PTPA: variants seen among roughly 807,000 people sequenced by gnomAD.
PTPA encodes the protein serine/threonine-protein phosphatase 2A activator.
A neutral mutation model predicts 43.6 loss-of-function variants in PTPA; 13 were observed. The observed-to-expected ratio is 0.30, with a 90% CI of 0.19 to 0.47. The LOEUF (loss-of-function observed/expected upper bound fraction) is 0.47, where lower values mean the gene tolerates loss of function less well. PTPA is among the 20% of genes least tolerant of loss of function. PTPA has a pLI of 0.99. For missense variants in PTPA, 329 were observed against 411.9 expected (o/e 0.80, Z 1.74); for synonymous variants, 172 against 158.2 (o/e 1.09, Z -0.66).
Position 129,120,629 on chromosome 9 carries a change from G to C in PTPA, c.129+19G>C. 1 of 1,597,104 alleles carries C rather than the reference G, an allele frequency of 6.3e-7. No homozygotes were observed. The highest frequency in any genetic ancestry group is 8.6e-7 in the Non-Finnish European group (1 of 1,165,524). On this transcript the variant is annotated intron_variant, in intron 2 of 9. Coordinates refer to ENST00000393370, the MANE Select transcript of PTPA (RefSeq NM_178000.3). The stretch of plus-strand genomic sequence containing the variant: ...TTCTCAGGTACCATTTGGAACTGTG[G>C]TGAGAAACTTGGGCTTTTCAAAGAC...
intron 5 of PTPA, among the ~76,000 whole-genome samples, chr9:129,132,938 A>G (rs1230976958): frequency 6.6e-6 from 1 of 152,164 alleles, no homozygotes; most frequent in Non-Finnish European, 1.5e-5. Flanking sequence ...CTGAGACCCC[A>G]TCTCTCAAAA....
intron 7 of PTPA, among the ~76,000 whole-genome samples, 181 bp from the exon 8 acceptor site, chr9:129,137,411 C>T (rs3124510): frequency 0.29 from 44,814 of 152,214 alleles, 6,707 homozygotes; most frequent in East Asian, 0.42. Flanking sequence ...CAACGCCATG[C>T]AGCTAGAGCT....
chr9:129,111,568 C>T lies in PTPA; in HGVS notation c.-33C>T. The T allele has an allele frequency of 7.7e-7, 1 of 1,293,446 alleles. No homozygotes were observed. Among genetic ancestry groups the T allele is most frequent in the Non-Finnish European group, 9.9e-7 (1 of 1,012,280 alleles). 80.1% of individuals were successfully genotyped at this position (1,293,446 alleles called of 1,614,324 possible). A position where few individuals can be genotyped will look rare whatever the true frequency, so the allele number is the denominator to read the frequency against. On this transcript the variant is annotated 5_prime_UTR_variant, in exon 1 of 10. Coordinates refer to ENST00000393370, the MANE Select transcript of PTPA (RefSeq NM_178000.3). ...AAGAGTGAAAGGCGAGAGGGGACTG[C>T]AAGCATCCGGGTCGGCTCCTGGCCG...
Position 129,147,660 on chromosome 9 carries a change from A to G in PTPA, c.*196A>G, listed in dbSNP as rs1006278388. On this transcript the variant is annotated 3_prime_UTR_variant, in exon 10 of 10. Transcript: ENST00000393370. ...GGGCCCAAGTTGGGAGAAGTGACCA[A>G]AGTGTAGCCAGTTTTCTGAGTTCCC... 7 of 590,374 alleles carry G rather than the reference A, an allele frequency of 1.2e-5. No homozygotes were observed. In the African/African-American group the frequency reaches 1.3e-4, roughly 11 times the overall value. 36.6% of individuals were successfully genotyped at this position (590,374 alleles called of 1,614,324 possible). A position where few individuals can be genotyped will look rare whatever the true frequency, so the allele number is the denominator to read the frequency against.
At chr9:129,113,659 A>C (rs1258870928) in intron 1 of PTPA, among the ~76,000 whole-genome samples, 3 of 151,858 alleles carry the variant, frequency 2.0e-5, no homozygotes, top group Admixed American at 6.6e-5. Flanking sequence ...AATCGCAGCT[A>C]CTCGGGAGGC....
At chr9:129,134,745 C>T (rs751378689) in intron 5 of PTPA, 50 bp from the exon 6 acceptor site, 6 of 1,451,426 alleles carry the variant, frequency 4.1e-6, no homozygotes, top group Admixed American at 3.6e-5. Flanking sequence ...TAAAACAATC[C>T]CAGTCCTTTA....
At chr9:129,125,148 G>T (rs753600598) in intron 3 of PTPA, among the ~76,000 whole-genome samples, 1 of 152,182 alleles carries the variant, frequency 6.6e-6, no homozygotes. Flanking sequence ...CAGGAATGTC[G>T]TGGAGGAAGG....
At chr9:129,129,864 G>C (rs1849842581) in intron 4 of PTPA, among the ~76,000 whole-genome samples, 1 of 152,152 alleles carries the variant, frequency 6.6e-6, no homozygotes, top group South Asian at 2.1e-4. Context: ...TTGAGCCCAG[G>C]AGTTTGTGAG....
intron 1 of PTPA, among the ~76,000 whole-genome samples, chr9:129,118,174 C>T (rs941224584): frequency 1.3e-5 from 2 of 151,426 alleles, no homozygotes; most frequent in African/African-American, 4.9e-5. Flanking sequence ...CTGCCTCAGC[C>T]TCCTGAGTAG....
At chr9:129,142,330 G>A (rs1850925958) in intron 8 of PTPA, 115 bp from the exon 9 acceptor site, 6 of 893,460 alleles carry the variant, frequency 6.7e-6, no homozygotes, top group Admixed American at 3.0e-5. Context: ...CATTGTGTGC[G>A]TGTGCGTTTG....
At chr9:129,134,324 T>TTTTTTG (rs1554733072) in intron 5 of PTPA, among the ~76,000 whole-genome samples, 1 of 96,354 alleles carries the variant, frequency 1.0e-5, no homozygotes, top group Non-Finnish European at 2.1e-5. Context: ...TTTTTTTTTT[T>TTTTTTG]GAGACAGTCT....
Position 129,142,527 on chromosome 9 carries a change from G to T in PTPA, c.869G>T (p.Gly290Val). ...AVPSWSKVNQ[G>V]LIRMYKAECL... ...CCTTCCTGGTCCAAAGTGAACCAGG[G>T]TCTCATCCGCATGTATAAGGCCGAG... Residue 290 changes from glycine to valine, a missense_variant, in exon 9 of 10, where the codon GGT becomes GTT. Gly to Val is a moderately radical substitution (Grantham distance 109, BLOSUM62 -3). Coordinates refer to ENST00000393370, the MANE Select transcript of PTPA (RefSeq NM_178000.3). The T allele has an allele frequency of 6.2e-7, 1 of 1,614,106 alleles. No homozygotes were observed. The highest frequency in any genetic ancestry group is 8.5e-7 in the Non-Finnish European group (1 of 1,179,994).
intron 1 of PTPA, among the ~76,000 whole-genome samples, chr9:129,115,738 CA>C (rs1179910369): frequency 2.6e-5 from 4 of 151,712 alleles, no homozygotes; most frequent in Non-Finnish European, 5.9e-5. Flanking sequence ...CTCCTGGGTT[CA>C]AGTGATTCTC....
Position 129,144,423 on chromosome 9 carries a change from G to A in PTPA, c.894+1871G>A, listed in dbSNP as rs1851140023. 5.3e-5 allele frequency among the ~76,000 whole-genome samples: 8 copies of A among 152,226 alleles called. No individual in the cohort carries two copies. In the South Asian group the frequency reaches 1.7e-3, roughly 32 times the overall value. ...GGGACAGGCTCCTGTATAGGGTGAC[G>A]CTGGAACTCCCTGACTTTAAGATCA... On this transcript the variant is annotated intron_variant, in intron 9 of 9. Transcript: ENST00000393370.
At chr9:129,132,095 T>A (rs1850017260) in intron 5 of PTPA, among the ~76,000 whole-genome samples, 1 of 152,088 alleles carries the variant, frequency 6.6e-6, no homozygotes, top group Non-Finnish European at 1.5e-5. Context: ...CTCTGTGCTA[T>A]TGGGCTGTTT....
chr9:129,126,640 A>G (rs1219048712), intron 3 of PTPA, among the ~76,000 whole-genome samples: 1 of 152,154 alleles, frequency 6.6e-6, no homozygotes, highest in Non-Finnish European at 1.5e-5. Context: ...GGTCAGTAAA[A>G]TGTTAGGGAA....
At chr9:129,111,714 T>A (rs1848505246) in intron 1 of PTPA, 83 bp downstream of exon 1, 5 of 1,236,558 alleles carry the variant, frequency 4.0e-6, no homozygotes, top group Non-Finnish European at 5.1e-6. Flanking sequence ...AGGGCGAGAG[T>A]CATGACACGG....
intron 1 of PTPA, among the ~76,000 whole-genome samples, chr9:129,116,873 C>G (rs866205278): frequency 2.8e-4 from 42 of 151,052 alleles, no homozygotes; most frequent in African/African-American, 1.0e-3. Context: ...CCCTGTGTTG[C>G]CTGGGCTGGT....
At chr9:129,120,649 A>G (rs566883585) in intron 2 of PTPA, 39 bp downstream of exon 2, 9 of 1,558,568 alleles carry the variant, frequency 5.8e-6, no homozygotes, top group South Asian at 1.1e-5. Context: ...TGGGCTTTTC[A>G]AAGACAGTGG....
Sources: gnomAD v4.1 joint callset for allele counts (sites outside exome capture counted in the v4.1 genomes callset) on GRCh38, gnomAD v4.1.1 for gene constraint, MANE v1.5 for transcripts, NCBI Gene and HGNC (gene_info 2026-07-23, HGNC 2026-07-21) for gene names.